Variants in DYNC2LI1 observed in about 807,000 individuals in gnomAD.
DYNC2LI1 encodes the protein cytoplasmic dynein 2 light intermediate chain 1.
Under a neutral mutation model 51.9 loss-of-function variants are expected in DYNC2LI1, and 45 were observed. The observed-to-expected ratio is 0.87, with a 90% confidence interval of 0.68 to 1.11. The LOEUF (loss-of-function observed/expected upper bound fraction) is 1.11. DYNC2LI1 is among the 50% of genes most tolerant of loss of function. The pLI, the probability that DYNC2LI1 is intolerant of heterozygous loss-of-function variation, is 0.00. For missense variants in DYNC2LI1, 490 were observed against 417.4 expected, an observed-to-expected ratio of 1.17 and a Z score of -1.51; for synonymous variants, 130 against 137.8, an observed-to-expected ratio of 0.94 and a Z score of 0.40.
chr2:43,789,613 C>A lies in DYNC2LI1; in HGVS notation c.232-20C>A, dbSNP rs202154744. 7.8e-5 allele frequency: 125 copies of A among 1,608,748 alleles called. 1 individual carries two copies. In the African/African-American group the frequency reaches 1.4e-3, roughly 18 times the overall value. On this transcript the variant is annotated intron_variant, in intron 4 of 12. Coordinates refer to ENST00000260605, the MANE Select transcript of DYNC2LI1 (RefSeq NM_016008.4). The stretch of plus-strand genomic sequence containing the variant: ...AAGAAGTACTTAAACTTCAAAAAAT[C>A]AAAAATTTTTGTTTTTCAGCCAAAA...
chr2:43,823,071 G>T, the DYNC2LI1 span: 2 of 1,158,128 alleles, frequency 1.7e-6, no homozygotes, highest in Admixed American at 2.0e-5. Flanking sequence ...GTCATAGAAG[G>T]AGGGGACCTG....
intron 12 of DYNC2LI1, among the ~76,000 whole-genome samples, chr2:43,806,538 G>A (rs898934798): frequency 6.6e-6 from 1 of 152,208 alleles, no homozygotes; most frequent in Non-Finnish European, 1.5e-5. Flanking sequence ...ACAGGAAAAT[G>A]ACCTTATGTA....
At position 43,796,715 on chromosome 2, in the gene DYNC2LI1, C is replaced by G. The variant is rs1292818679; in HGVS notation, c.577-3C>G. 1.9e-6 allele frequency: 3 copies of G among 1,606,630 alleles called. No homozygotes were observed. The highest frequency in any genetic ancestry group is 2.6e-6 in the Non-Finnish European group (3 of 1,174,006). On this transcript the variant is annotated splice_polypyrimidine_tract_variant and splice_region_variant and intron_variant, in intron 7 of 12. Coordinates refer to ENST00000260605, the MANE Select transcript of DYNC2LI1 (RefSeq NM_016008.4). ...GACTTTTTAAAATAACATATTTCTA[C>G]AGGATTTTGAGTCTGAGAAGAGAAA...
chr2:43,813,056 G>C, downstream of DYNC2LI1: 1 of 780,022 alleles, frequency 1.3e-6, no homozygotes, highest in South Asian at 1.4e-5. Flanking sequence ...CATTTCAGAC[G>C]TTCAGAGCAG....
At chr2:43,809,146 C>G (rs1205001776) in intron 12 of DYNC2LI1, among the ~76,000 whole-genome samples, 9 of 151,964 alleles carry the variant, frequency 5.9e-5, no homozygotes. Flanking sequence ...CACCACCATG[C>G]CTGGATAATT....
At chr2:43,781,653 A>T (rs1427237578) in intron 2 of DYNC2LI1, 1 of 142,444 alleles carries the variant, frequency 7.0e-6, no homozygotes, top group Non-Finnish European at 1.5e-5. Flanking sequence ...CCTAGGTTCG[A>T]GTGCAGTGGT....
intron 3 of DYNC2LI1, among the ~76,000 whole-genome samples, chr2:43,786,977 C>T (rs1205309780): frequency 6.6e-6 from 1 of 152,242 alleles, no homozygotes; most frequent in Non-Finnish European, 1.5e-5. Context: ...GGGGCTACCA[C>T]ATGCATGTGC....
intron 7 of DYNC2LI1, 119 bp downstream of exon 7, chr2:43,796,077 A>T (rs1674024553): frequency 1.3e-6 from 1 of 742,412 alleles, no homozygotes; most frequent in African/African-American, 1.8e-5. Flanking sequence ...CGGTTAAGTC[A>T]TGCATCTTAA....
At chr2:43,798,083 C>T (rs921369993) in intron 8 of DYNC2LI1, among the ~76,000 whole-genome samples, 3 of 151,588 alleles carry the variant, frequency 2.0e-5, no homozygotes, top group Non-Finnish European at 4.4e-5. Context: ...ACCAAAATCA[C>T]ACCACTGCAC....
chr2:43,795,724 A>G (rs920947797), intron 6 of DYNC2LI1, among the ~76,000 whole-genome samples, 166 bp from the exon 7 acceptor site: 13 of 152,212 alleles, frequency 8.5e-5, no homozygotes, highest in African/African-American at 2.7e-4. Flanking sequence ...TATGAAATAT[A>G]GCTTAGGAAG....
chr2:43,828,308 T>A, the DYNC2LI1 span: 6 of 722,042 alleles, frequency 8.3e-6, no homozygotes, highest in Middle Eastern at 1.9e-3. Flanking sequence ...GTAATACATG[T>A]GTCAGATTTA....
At chr2:43,786,050 T>G (rs1371071383) in intron 3 of DYNC2LI1, among the ~76,000 whole-genome samples, 4 of 152,230 alleles carry the variant, frequency 2.6e-5, no homozygotes, top group Non-Finnish European at 5.9e-5. Flanking sequence ...TATAAATAAT[T>G]CAGCAAATTG....
At chr2:43,815,857 G>T in the DYNC2LI1 span, among the ~76,000 whole-genome samples, 1 of 149,828 alleles carries the variant, frequency 6.7e-6, no homozygotes, top group Non-Finnish European at 1.5e-5. Flanking sequence ...GAAAATTAAC[G>T]TGACTCCAGC....
At chr2:43,797,926 G>T (rs914067459) in intron 8 of DYNC2LI1, among the ~76,000 whole-genome samples, 4 of 152,086 alleles carry the variant, frequency 2.6e-5, no homozygotes, top group African/African-American at 9.7e-5. Flanking sequence ...AGGAGTTTCA[G>T]ACCAGCCTGG....
At chr2:43,813,705 T>C (rs1380555780), downstream of DYNC2LI1, among the ~76,000 whole-genome samples, 1 of 139,258 alleles carries the variant, frequency 7.2e-6, no homozygotes, top group Non-Finnish European at 1.5e-5. Flanking sequence ...GGGTTTTTTT[T>C]TTCGTTTTTT....
chr2:43,810,652 A>G, downstream of DYNC2LI1: 8 of 371,906 alleles, frequency 2.2e-5, no homozygotes, highest in Non-Finnish European at 3.0e-5. Flanking sequence ...CTGAGCAGAT[A>G]GCAAGCCATC....
At chr2:43,795,825 TA>T in intron 6 of DYNC2LI1, 64 bp from the exon 7 acceptor site, 1 of 1,236,282 alleles carries the variant, frequency 8.1e-7, no homozygotes, top group Non-Finnish European at 1.2e-6. Flanking sequence ...TGGAAGTAAA[TA>T]GAAATTGCTA....
At chr2:43,820,936 G>C in the DYNC2LI1 span, among the ~76,000 whole-genome samples, 16 of 152,322 alleles carry the variant, frequency 1.1e-4, no homozygotes, top group East Asian at 1.9e-3. Context: ...TTACAGGCAT[G>C]AGCTACCATG....
At chr2:43,784,901 C>T (rs1439520037) in intron 3 of DYNC2LI1, among the ~76,000 whole-genome samples, 2 of 152,034 alleles carry the variant, frequency 1.3e-5, no homozygotes, top group Non-Finnish European at 2.9e-5. Context: ...CTCTATATAA[C>T]GTATTCAAAA....
Sources: gnomAD v4.1 joint callset for allele counts (sites outside exome capture counted in the v4.1 genomes callset) on GRCh38, gnomAD v4.1.1 for gene constraint, MANE v1.5 for transcripts, NCBI Gene and HGNC (gene_info 2026-07-23, HGNC 2026-07-21) for gene names.